The following CRACDL variants were observed in gnomAD, a reference collection of about 807,000 sequenced individuals.
The protein encoded by CRACDL is CRACD-like protein.
CRACDL carries 26 observed loss-of-function variants against 70.6 expected under a neutral mutation model. That is an observed-to-expected ratio of 0.37 (90% CI 0.27 to 0.51). The LOEUF (loss-of-function observed/expected upper bound fraction) is 0.51. Ranked by LOEUF, CRACDL falls within the 20% of genes least tolerant of loss-of-function variation. The pLI is 0.94. For missense variants in CRACDL, 1,283 were observed against 1,376.9 expected, an observed-to-expected ratio of 0.93 and a Z score of 1.08; for synonymous variants, 618 against 615.2, an observed-to-expected ratio of 1.00 and a Z score of -0.07.
Position 98,922,708 on chromosome 2 carries a change from A to T in CRACDL, c.-11+13230T>A, listed in dbSNP as rs115024039. ...GGAGCCTAGGCCAAGGTCCCCTGCA[A>T]AACAGGGCCACGGAGGGAAGGACAT... On this transcript the variant is annotated intron_variant, in intron 1 of 9. Transcript: ENST00000397899. 6.2e-3 allele frequency among the ~76,000 whole-genome samples: 951 copies of T among 152,210 alleles called. 13 individuals are homozygous for T. The highest frequency in any genetic ancestry group is 0.022 in the African/African-American group (921 of 41,546).
chr2:98,854,047 G>A (rs1706591394), intron 1 of CRACDL, among the ~76,000 whole-genome samples: 1 of 152,088 alleles, frequency 6.6e-6, no homozygotes, highest in African/African-American at 2.4e-5. Flanking sequence ...ACTTTGGGAG[G>A]CCGAGGTGGG....
intron 2 of CRACDL, among the ~76,000 whole-genome samples, chr2:98,845,482 G>A (rs781690086): frequency 1.6e-4 from 24 of 152,072 alleles, no homozygotes; most frequent in Non-Finnish European, 2.6e-4. Context: ...GGTGGAAGCC[G>A]CTGTGCCTGG....
intron 6 of CRACDL, among the ~76,000 whole-genome samples, chr2:98,826,016 C>A (rs1446022459): frequency 2.6e-5 from 4 of 152,182 alleles, no homozygotes; most frequent in Non-Finnish European, 5.9e-5. Flanking sequence ...CTGTGAGCAT[C>A]TCTTTATCAG....
At chr2:98,900,441 C>A (rs548009885) in intron 1 of CRACDL, among the ~76,000 whole-genome samples, 1 of 151,838 alleles carries the variant, frequency 6.6e-6, no homozygotes, top group Non-Finnish European at 1.5e-5. Flanking sequence ...GGAGGAGTGC[C>A]CTGGTACCCC....
intron 1 of CRACDL, among the ~76,000 whole-genome samples, chr2:98,856,586 CATT>C (rs1369802035): frequency 1.4e-4 from 22 of 152,080 alleles, no homozygotes; most frequent in Admixed American, 1.2e-3. Context: ...TATTTCTTCT[CATT>C]TTTTTTATAG....
intron 1 of CRACDL, among the ~76,000 whole-genome samples, chr2:98,895,457 A>G (rs1708094064): frequency 6.6e-6 from 1 of 152,200 alleles, no homozygotes; most frequent in Non-Finnish European, 1.5e-5. Context: ...GGGAAAGAAC[A>G]GGGAAGACGA....
intron 7 of CRACDL, among the ~76,000 whole-genome samples, chr2:98,807,447 C>T (rs949440392): frequency 6.6e-6 from 1 of 152,180 alleles, no homozygotes; most frequent in African/African-American, 2.4e-5. Context: ...TGGTATACCT[C>T]CCTTCCCCAC....
chr2:98,887,784 A>G (rs928365899), intron 1 of CRACDL, among the ~76,000 whole-genome samples: 1 of 152,250 alleles, frequency 6.6e-6, no homozygotes. Context: ...ATCACATATA[A>G]GATAAAATTA....
At chr2:98,859,906 T>TAGGG (rs1446689522) in intron 1 of CRACDL, among the ~76,000 whole-genome samples, 1 of 151,952 alleles carries the variant, frequency 6.6e-6, no homozygotes, top group Non-Finnish European at 1.5e-5. Flanking sequence ...ACATAGATAA[T>TAGGG]GTTGAGGGAT....
intron 2 of CRACDL, among the ~76,000 whole-genome samples, chr2:98,843,770 A>C (rs1706133283): frequency 6.6e-6 from 1 of 152,214 alleles, no homozygotes; most frequent in African/African-American, 2.4e-5. Context: ...GCAGCTTTAT[A>C]GTAAGTCTTA....
rs74978448 is a variant in CRACDL at position 98,888,171 on chromosome 2, G to A, written c.-10-41361C>T. ...AGCAAACCTGTCTTACATGAAATGA[G>A]CATTGAACAGTAATCCAAATCCAAA... is the stretch of plus-strand genomic sequence containing the variant. On this transcript the variant is annotated intron_variant, in intron 1 of 9. Transcript: ENST00000397899. Among the ~76,000 whole-genome samples, 649 of 152,338 alleles carry A rather than the reference G, an allele frequency of 4.3e-3. 7 individuals carry two copies. Among genetic ancestry groups the A allele is most frequent in the African/African-American group, 0.015 (620 of 41,574 alleles).
chr2:98,846,165 C>T (rs1334280609), intron 2 of CRACDL, among the ~76,000 whole-genome samples: 5 of 152,016 alleles, frequency 3.3e-5, no homozygotes, highest in Non-Finnish European at 5.9e-5. Context: ...ACATAAATAG[C>T]AATATTTGGA....
chr2:98,820,955 ATAGCT>A (rs1232442557), intron 7 of CRACDL, among the ~76,000 whole-genome samples: 1 of 152,246 alleles, frequency 6.6e-6, no homozygotes, highest in African/African-American at 2.4e-5. Flanking sequence ...TAGCCAAGAA[ATAGCT>A]TAGGCCCTGA....
chr2:98,869,381 G>T (rs1558614255), intron 1 of CRACDL: 1 of 800,160 alleles, frequency 1.2e-6, no homozygotes, highest in Non-Finnish European at 1.7e-6. Context: ...TCTAAGAAAC[G>T]CAATGCACTT....
At chr2:98,805,820 C>T (rs1359175311) in intron 7 of CRACDL, among the ~76,000 whole-genome samples, 1 of 152,240 alleles carries the variant, frequency 6.6e-6, no homozygotes, top group Non-Finnish European at 1.5e-5. Context: ...TCCTGCTTTC[C>T]CAGGCCAGGC....
chr2:98,809,786 T>C (rs913587457), intron 7 of CRACDL: 12 of 152,204 alleles, frequency 7.9e-5, no homozygotes, highest in Non-Finnish European at 2.9e-5. Context: ...GCAGCTGAGA[T>C]GAGAATATTT....
intron 6 of CRACDL, among the ~76,000 whole-genome samples, chr2:98,826,491 A>G (rs1705308100): frequency 6.6e-6 from 1 of 152,210 alleles, no homozygotes; most frequent in South Asian, 2.1e-4. Flanking sequence ...GTTCTGAAGG[A>G]AGTGAACGGG....
chr2:98,934,559 G>A (rs75039716), intron 1 of CRACDL, among the ~76,000 whole-genome samples: 1,890 of 152,222 alleles, frequency 0.012, 43 homozygotes, highest in African/African-American at 0.043. Context: ...ACAGCCACCC[G>A]TTAGTGAGCC....
chr2:98,931,097 G>A (rs779588295), intron 1 of CRACDL, among the ~76,000 whole-genome samples: 2 of 152,100 alleles, frequency 1.3e-5, no homozygotes, highest in African/African-American at 2.4e-5. Flanking sequence ...GGCCATGGTG[G>A]GTGGATCACT....
Sources: gnomAD v4.1 joint callset for allele counts (sites outside exome capture counted in the v4.1 genomes callset) on GRCh38, gnomAD v4.1.1 for gene constraint, MANE v1.5 for transcripts, NCBI Gene and HGNC (gene_info 2026-07-23, HGNC 2026-07-21) for gene names.